The following CHRAC1 variants were observed in gnomAD, a reference collection of about 807,000 sequenced individuals.
The protein encoded by CHRAC1 is chromatin accessibility complex protein 1.
A neutral mutation model predicts 9.1 loss-of-function variants in CHRAC1; 6 were observed. The observed-to-expected ratio is 0.66, with a 90% CI of 0.36 to 1.29. CHRAC1 has a LOEUF of 1.29. Among genes scored for constraint, CHRAC1 ranks in the 50% most tolerant of loss-of-function variants. CHRAC1 has a pLI of 0.03. For missense variants in CHRAC1, 168 were observed against 163.5 expected (o/e 1.03, Z -0.15); for synonymous variants, 73 against 64.5 (o/e 1.13, Z -0.63).
chr8:140,511,869 T>A, intron 1 of CHRAC1: 1 of 641,440 alleles, frequency 1.6e-6, no homozygotes, highest in Non-Finnish European at 2.5e-6. Context: ...CGCCGCTCCC[T>A]CACGTTCTCC....
chr8:140,511,629 C>T lies in CHRAC1; in HGVS notation c.130C>T (p.Leu44Phe). 1 of 1,440,422 alleles carries T rather than the reference C, an allele frequency of 6.9e-7. No homozygotes were observed. Among genetic ancestry groups the T allele is most frequent in the Non-Finnish European group, 9.2e-7 (1 of 1,089,448 alleles). The allele number at this position is 1,440,422 out of a possible 1,614,324, so 89.2% of individuals were successfully genotyped here. ...VSSINQEALV[L>F]TAKATELFVQ... ...CAGCATCAACCAGGAGGCGTTGGTG[C>T]TCACGGCCAAGGCCACGGTGAGGGG... Residue 44 changes from leucine (L) to phenylalanine (F), a missense_variant, in exon 1 of 3, where the codon CTC (leucine) becomes TTC (phenylalanine). Transcript: ENST00000220913.
Position 140,511,346 on chromosome 8 carries a change from A to T in CHRAC1, c.-154A>T. The T allele has an allele frequency of 1.8e-6, 1 of 566,892 alleles. No homozygotes were observed. Among genetic ancestry groups the T allele is most frequent in the Non-Finnish European group, 2.6e-6 (1 of 380,890 alleles). 35.1% of individuals were successfully genotyped at this position (566,892 alleles called of 1,614,324 possible). ...CCTCACGGAGCTCGTAGTTTCCCGG[A>T]CGGGCCGCTCCCGGCCTCGCGGCCT... On this transcript the variant is annotated 5_prime_UTR_variant, in exon 1 of 3. Coordinates refer to ENST00000220913, the MANE Select transcript of CHRAC1 (RefSeq NM_017444.6).
chr8:140,514,626 A>G (rs2072315514), intron 2 of CHRAC1, 131 bp downstream of exon 2: 4 of 635,046 alleles, frequency 6.3e-6, no homozygotes, highest in East Asian at 6.3e-5. Flanking sequence ...GCAAAGTACT[A>G]TGAGTTGTCA....
rs2072347621 is a variant in CHRAC1, at chr8:140,517,135, A to G, written c.*1888A>G. On this transcript the variant is annotated 3_prime_UTR_variant, in exon 3 of 3. Coordinates refer to ENST00000220913, the MANE Select transcript of CHRAC1 (RefSeq NM_017444.6). ...TTGCTAGCTTATGTGCCATTAAAAA[A>G]TGACTTGATTTGGCTTACAGACCAG... The G allele has an allele frequency of 6.6e-6, 1 of 152,246 alleles. No homozygotes were observed. Among genetic ancestry groups the G allele is most frequent in the South Asian group, 2.1e-4 (1 of 4,834 alleles). The allele number at this position is 152,246 out of a possible 1,614,324, so 9.4% of individuals were successfully genotyped here.
intron 1 of CHRAC1, among the ~76,000 whole-genome samples, chr8:140,512,979 G>C (rs1212356386): frequency 2.0e-5 from 3 of 152,058 alleles, no homozygotes; most frequent in Admixed American, 1.3e-4. Context: ...ATCACACTCG[G>C]CTAATTTTTG....
chr8:140,511,880 A>G (rs1018087204), intron 1 of CHRAC1: 25 of 667,594 alleles, frequency 3.7e-5, no homozygotes, highest in Non-Finnish European at 5.3e-5. Context: ...CACGTTCTCC[A>G]GTTTCTTCGC....
At chr8:140,514,898 A>G in intron 2 of CHRAC1, 3 of 447,014 alleles carry the variant, frequency 6.7e-6, no homozygotes, top group Middle Eastern at 6.1e-4. Context: ...AAAGCAGCTC[A>G]TAGAGACACC....
At chr8:140,512,635 C>T (rs889839674) in intron 1 of CHRAC1, among the ~76,000 whole-genome samples, 9 of 152,110 alleles carry the variant, frequency 5.9e-5, no homozygotes, top group South Asian at 2.1e-4. Flanking sequence ...TATGATGTCC[C>T]TGCAGTGTTG....
intron 1 of CHRAC1, among the ~76,000 whole-genome samples, chr8:140,513,700 G>A (rs1172864575): frequency 2.0e-5 from 3 of 151,952 alleles, no homozygotes; most frequent in African/African-American, 7.2e-5. Flanking sequence ...GCCGTCCTTG[G>A]CCTCCCAAAG....
In CHRAC1 at chr8:140,516,852, A is replaced by C. The variant is rs1311271910; in HGVS notation, c.*1605A>C. 6.6e-6 allele frequency: 1 copy of C among 152,082 alleles called. No individual in the cohort carries two copies. The highest frequency in any genetic ancestry group is 2.4e-5 in the African/African-American group (1 of 41,392). The allele number at this position is 152,082 out of a possible 1,614,324, so 9.4% of individuals were successfully genotyped here. On this transcript the variant is annotated 3_prime_UTR_variant, in exon 3 of 3. Transcript: ENST00000220913. ...AACCGTCAAGCTATTCTCTGTCCCT[A>C]TACCAGGTGTCATCAAATTTTTTTC...
At chr8:140,514,236 G>T (rs780494162) in intron 1 of CHRAC1, 133 bp from the exon 2 acceptor site, 9 of 999,962 alleles carry the variant, frequency 9.0e-6, no homozygotes, top group African/African-American at 3.4e-5. Flanking sequence ...TTTAATTTGA[G>T]AAACCAAGAG....
In CHRAC1 at chr8:140,511,388, A is replaced by G. The variant is rs893056678; in HGVS notation, c.-112A>G. 2.0e-6 allele frequency: 2 copies of G among 1,025,340 alleles called. No homozygotes were observed. The highest frequency in any genetic ancestry group is 2.6e-6 in the Non-Finnish European group (2 of 783,298). The allele number at this position is 1,025,340 out of a possible 1,614,324, so 63.5% of individuals were successfully genotyped here. ...TCGCGGCCTCGCCTCCCCACACTACAACTCCCACGGGGCAGCGGGCGCGGC... is the reference window on the plus strand; with the variant it reads ...TCGCGGCCTCGCCTCCCCACACTACGACTCCCACGGGGCAGCGGGCGCGGC... On this transcript the variant is annotated 5_prime_UTR_variant, in exon 1 of 3. Coordinates refer to ENST00000220913, the MANE Select transcript of CHRAC1 (RefSeq NM_017444.6).
intron 1 of CHRAC1, chr8:140,511,977 A>G: frequency 2.5e-6 from 2 of 815,482 alleles, no homozygotes; most frequent in Non-Finnish European, 3.1e-6. Flanking sequence ...CGCCCCGCCC[A>G]CCCCACTGTC....
At chr8:140,511,904 C>T (rs1050055871) in intron 1 of CHRAC1, 49 of 991,756 alleles carry the variant, frequency 4.9e-5, no homozygotes, top group Non-Finnish European at 6.2e-5. Flanking sequence ...GCCTACCGCG[C>T]GCCTCTCCCG....
chr8:140,511,735 CG>C, intron 1 of CHRAC1, 89 bp downstream of exon 1: 1 of 1,160,332 alleles, frequency 8.6e-7, no homozygotes, highest in Non-Finnish European at 1.1e-6. Context: ...CCCTTAGGCC[CG>C]CGCGCCGCCG....
intron 1 of CHRAC1, among the ~76,000 whole-genome samples, chr8:140,512,687 C>A (rs2072291870): frequency 6.6e-6 from 1 of 152,112 alleles, no homozygotes; most frequent in Admixed American, 6.6e-5. Context: ...GTTTCTTGCC[C>A]GCTTTATGTC....
At chr8:140,514,153 G>A (rs1035634619) in intron 1 of CHRAC1, 30 of 384,140 alleles carry the variant, frequency 7.8e-5, no homozygotes, top group Non-Finnish European at 2.7e-5. Flanking sequence ...TGAGCCGCCT[G>A]CCTCAGCCTC....
At chr8:140,511,720 C>T in intron 1 of CHRAC1, 74 bp downstream of exon 1, 2 of 1,240,778 alleles carry the variant, frequency 1.6e-6, no homozygotes, top group Middle Eastern at 2.7e-4. Context: ...GGGCACTGCC[C>T]AGTCCCCTTA....
At chr8:140,513,837 T>A in intron 1 of CHRAC1, among the ~76,000 whole-genome samples, 1 of 151,640 alleles carries the variant, frequency 6.6e-6, no homozygotes, top group East Asian at 1.9e-4. Flanking sequence ...CTCTGGAAAA[T>A]GCCTGCTTCT....
Sources: gnomAD v4.1 joint callset for allele counts (sites outside exome capture counted in the v4.1 genomes callset) on GRCh38, gnomAD v4.1.1 for gene constraint, MANE v1.5 for transcripts, NCBI Gene and HGNC (gene_info 2026-07-23, HGNC 2026-07-21) for gene names.